TENM1: variants seen among roughly 807,000 people sequenced by gnomAD.
TENM1 encodes teneurin-1.
A neutral mutation model predicts 174.8 loss-of-function variants in TENM1; 35 were observed. That is an observed-to-expected ratio of 0.20 (90% CI 0.15 to 0.27). The LOEUF (loss-of-function observed/expected upper bound fraction) is 0.27. Among genes scored for constraint, TENM1 ranks in the 10% least tolerant of loss-of-function variants. The pLI, the probability that TENM1 is intolerant of heterozygous loss-of-function variation, is 1.00. For missense variants in TENM1, 1,633 were observed against 2,130.1 expected, an observed-to-expected ratio of 0.77 and a Z score of 4.59; for synonymous variants, 781 against 798.7, an observed-to-expected ratio of 0.98 and a Z score of 0.37.
At chrX:124,620,739 T>C (rs1441330919) in intron 11 of TENM1, among the ~76,000 whole-genome samples, 1 of 112,055 alleles carries the variant, frequency 8.9e-6, no homozygotes, top group South Asian at 3.7e-4. Context: ...ATGTAACGCA[T>C]AGGATTCAGC....
At chrX:125,138,127 T>C in the TENM1 span, among the ~76,000 whole-genome samples, 2 of 111,376 alleles carry the variant, frequency 1.8e-5, no homozygotes, top group Admixed American at 9.6e-5. Flanking sequence ...ACAATGTCCC[T>C]AAACTCAGAT....
the TENM1 span, among the ~76,000 whole-genome samples, chrX:125,066,778 G>A: frequency 5.4e-5 from 6 of 111,950 alleles, no homozygotes; most frequent in Non-Finnish European, 9.4e-5. Context: ...TCAGTGCAGA[G>A]AATGCTGAGA....
the TENM1 span, among the ~76,000 whole-genome samples, chrX:125,153,231 T>C: frequency 8.9e-6 from 1 of 111,833 alleles, no homozygotes; most frequent in Non-Finnish European, 1.9e-5. Context: ...TCACTTACTT[T>C]TACCTGTAAA....
intron 15 of TENM1, among the ~76,000 whole-genome samples, chrX:124,530,535 A>C (rs1165458812): frequency 9.0e-6 from 1 of 111,338 alleles, no homozygotes; most frequent in African/African-American, 3.3e-5. Context: ...GGTACTCAGC[A>C]CTATTAGTTT....
the TENM1 span, among the ~76,000 whole-genome samples, chrX:125,117,979 A>G: frequency 9.0e-6 from 1 of 111,727 alleles, no homozygotes; most frequent in African/African-American, 3.3e-5. Context: ...GTGTCCATCA[A>G]TGGATGACAG....
chrX:125,015,837 T>C, the TENM1 span, among the ~76,000 whole-genome samples: 3 of 111,719 alleles, frequency 2.7e-5, no homozygotes, highest in Non-Finnish European at 5.7e-5. Flanking sequence ...CATAGAATTA[T>C]TTAACTCCTT....
At chrX:124,646,582 A>G in intron 9 of TENM1, 127 bp downstream of exon 12, 2 of 472,443 alleles carry the variant, frequency 4.2e-6, no homozygotes, top group Non-Finnish European at 7.2e-6. Context: ...GGCAGCAGCC[A>G]TAGGGAACAC....
intron 3 of TENM1, among the ~76,000 whole-genome samples, chrX:124,840,073 A>G (rs925727805): frequency 8.1e-5 from 9 of 111,729 alleles, no homozygotes; most frequent in Admixed American, 7.6e-4. Context: ...ACCACCAAAT[A>G]TTATTTGCAC....
intron 1 of TENM1, among the ~76,000 whole-genome samples, chrX:124,902,040 G>C (rs1025017204): frequency 1.8e-4 from 20 of 111,706 alleles, no homozygotes; most frequent in Admixed American, 8.6e-4. Context: ...TTATCCATTT[G>C]GTTTTTGGAT....
Position 124,571,779 on chromosome X carries a change from T to C in TENM1, c.2078-6219A>G, listed in dbSNP as rs747749625. On this transcript the variant is annotated intron_variant, in intron 11 of 31. Coordinates refer to ENST00000422452, the Ensembl canonical transcript of TENM1. ...AAAACCTGAGTACACATTAAAAACA[T>C]TGAAAATTGCCCAGATGGTTTTACA... Among the ~76,000 whole-genome samples the C allele has an allele frequency of 9.9e-5, 11 of 111,438 alleles. No individual in the cohort carries two copies. The East Asian group carries it at 1.1e-3, about 11-fold the overall frequency.
intron 25 of TENM1, among the ~76,000 whole-genome samples, chrX:124,417,270 C>T (rs1332759046): frequency 2.7e-5 from 3 of 110,235 alleles, no homozygotes; most frequent in Non-Finnish European, 3.8e-5. Flanking sequence ...AGTGCAGTGG[C>T]GCCATCTCAG....
chrX:125,133,187 G>C, the TENM1 span, among the ~76,000 whole-genome samples: 3 of 110,297 alleles, frequency 2.7e-5, no homozygotes, highest in African/African-American at 9.9e-5. Context: ...GTAGAGACAG[G>C]GTTTCACCGT....
intron 3 of TENM1, among the ~76,000 whole-genome samples, chrX:124,781,474 A>T (rs1457819559): frequency 1.8e-5 from 2 of 112,003 alleles, no homozygotes; most frequent in African/African-American, 6.5e-5. Context: ...GCCATATAAA[A>T]TACTCTACTT....
intron 17 of TENM1, among the ~76,000 whole-genome samples, chrX:124,521,940 G>A (rs2047858525): frequency 9.0e-6 from 1 of 111,606 alleles, no homozygotes; most frequent in South Asian, 3.8e-4. Context: ...TCCACCAGCT[G>A]TCTTCTCAGT....
At chrX:125,201,314 G>GTTT in the TENM1 span, among the ~76,000 whole-genome samples, 1 of 112,218 alleles carries the variant, frequency 8.9e-6, no homozygotes, top group Non-Finnish European at 1.9e-5. Flanking sequence ...TGTGATGATA[G>GTTT]TTATGTATAA....
intron 11 of TENM1, among the ~76,000 whole-genome samples, chrX:124,577,353 A>C (rs774001987): frequency 9.0e-6 from 1 of 111,437 alleles, no homozygotes; most frequent in African/African-American, 3.3e-5. Flanking sequence ...ATGCACCAAC[A>C]GTTTATTTTT....
At chrX:124,434,441 C>G (rs2060812812) in intron 23 of TENM1, among the ~76,000 whole-genome samples, 1 of 112,069 alleles carries the variant, frequency 8.9e-6, no homozygotes, top group African/African-American at 3.2e-5. Context: ...TCTAGAGACC[C>G]AATGCCTGAT....
At chrX:124,795,858 G>A (rs1267349519) in intron 3 of TENM1, among the ~76,000 whole-genome samples, 1 of 111,089 alleles carries the variant, frequency 9.0e-6, no homozygotes, top group African/African-American at 3.3e-5. Flanking sequence ...TTGAGGATCT[G>A]CTTCTGAAAA....
intron 1 of TENM1, among the ~76,000 whole-genome samples, chrX:124,934,354 A>G (rs1325849185): frequency 1.8e-5 from 2 of 112,144 alleles, no homozygotes; most frequent in Non-Finnish European, 3.8e-5. Context: ...TTACTAACAT[A>G]TTCAAACATT....
Sources: gnomAD v4.1 joint callset for allele counts (sites outside exome capture counted in the v4.1 genomes callset) on GRCh38, gnomAD v4.1.1 for gene constraint, MANE v1.5 for transcripts, NCBI Gene and HGNC (gene_info 2026-07-23, HGNC 2026-07-21) for gene names.